The following CSGALNACT1 variants were observed in gnomAD, a reference collection of about 807,000 sequenced individuals.
The protein encoded by CSGALNACT1 is beta4GalNAcT-1.
In CSGALNACT1, 52 loss-of-function variants were observed where a neutral mutation model predicts 51.0. The observed-to-expected ratio is 1.02, with a 90% CI of 0.82 to 1.29. CSGALNACT1 has a LOEUF of 1.29. CSGALNACT1 is among the 50% of genes most tolerant of loss of function. The pLI is 0.00. For synonymous variants in CSGALNACT1, 341 were observed against 254.4 expected, an observed-to-expected ratio of 1.34 and a Z score of -3.24; for missense variants, 935 against 679.2, an observed-to-expected ratio of 1.38 and a Z score of -4.19.
At chr8:19,579,216 GGC>G (rs1171561564) in intron 3 of CSGALNACT1, among the ~76,000 whole-genome samples, 2 of 152,132 alleles carry the variant, frequency 1.3e-5, no homozygotes, top group East Asian at 3.9e-4. Context: ...ACTTTGATCT[GGC>G]CCCAGCTCCA....
chr8:19,511,678 C>T (rs1168238303), intron 3 of CSGALNACT1, among the ~76,000 whole-genome samples: 1 of 152,174 alleles, frequency 6.6e-6, no homozygotes, highest in Non-Finnish European at 1.5e-5. Flanking sequence ...TGCTCCCACA[C>T]TGTACTGGGG....
intron 6 of CSGALNACT1, among the ~76,000 whole-genome samples, chr8:19,423,996 T>C (rs532655037): frequency 9.8e-5 from 15 of 152,290 alleles, no homozygotes; most frequent in African/African-American, 3.4e-4. Flanking sequence ...GGCTTGCCTG[T>C]TCTCCCTGCC....
intron 2 of CSGALNACT1, among the ~76,000 whole-genome samples, chr8:19,599,075 G>A (rs1272055786): frequency 6.6e-6 from 1 of 151,968 alleles, no homozygotes; most frequent in Non-Finnish European, 1.5e-5. Flanking sequence ...GGGGAGGAGT[G>A]AGCAGAAGGG....
intron 6 of CSGALNACT1, among the ~76,000 whole-genome samples, chr8:19,434,990 T>C (rs1437705606): frequency 2.6e-5 from 4 of 151,960 alleles, no homozygotes; most frequent in Non-Finnish European, 5.9e-5. Flanking sequence ...ACACAAACAT[T>C]GCAAGGTGGG....
intron 4 of CSGALNACT1, among the ~76,000 whole-genome samples, chr8:19,463,936 G>T (rs1290571284): frequency 6.6e-6 from 1 of 152,128 alleles, no homozygotes; most frequent in Non-Finnish European, 1.5e-5. Flanking sequence ...AGTAGGCCAG[G>T]AGCTAACCAG....
rs560846155 is a variant in CSGALNACT1, at chr8:19,630,103, G to A, written c.-543-28238C>T. On this transcript the variant is annotated intron_variant, in intron 1 of 9. Coordinates refer to the CSGALNACT1 transcript ENST00000332246. Reference sequence around the variant, plus strand: ...CTACCCATCCAGGCCAACACGGGCCGAATGAAGACTTTCCAGCTTTGACTG... The same window carrying A: ...CTACCCATCCAGGCCAACACGGGCCAAATGAAGACTTTCCAGCTTTGACTG... 5.1e-3 allele frequency among the ~76,000 whole-genome samples: 774 copies of A among 152,092 alleles called. 5 individuals are homozygous for A. The highest frequency in any genetic ancestry group is 6.4e-3 in the Non-Finnish European group (433 of 68,006).
intron 2 of CSGALNACT1, among the ~76,000 whole-genome samples, chr8:19,593,125 A>T (rs1033903566): frequency 6.6e-6 from 1 of 152,242 alleles, no homozygotes; most frequent in African/African-American, 2.4e-5. Context: ...CAGTAACTAA[A>T]TAGGATGCCT....
rs1430250523 is a variant in CSGALNACT1 at position 19,470,943 on chromosome 8, A to C, written c.635-12301T>G. On this transcript the variant is annotated intron_variant, in intron 4 of 9. Transcript: ENST00000454498. ...AAACCCCGTTTCTACTAAAAATACA[A>C]AAATTAGCTGGGCGTGGTGGTGGGT... Among the ~76,000 whole-genome samples the C allele has an allele frequency of 2.0e-5, 3 of 152,178 alleles. No homozygotes were observed. In the East Asian group the frequency reaches 5.8e-4, roughly 29 times the overall value.
chr8:19,430,204 AGTTC>A (rs2059440472), intron 6 of CSGALNACT1, among the ~76,000 whole-genome samples: 1 of 152,230 alleles, frequency 6.6e-6, no homozygotes. Context: ...ATTTTGATAA[AGTTC>A]AACTTATCTG....
At chr8:19,640,501 T>C (rs2056615293) in intron 1 of CSGALNACT1, among the ~76,000 whole-genome samples, 1 of 152,208 alleles carries the variant, frequency 6.6e-6, no homozygotes, top group Admixed American at 6.5e-5. Context: ...AGCCATATTT[T>C]CATTTACTTA....
intron 3 of CSGALNACT1, among the ~76,000 whole-genome samples, chr8:19,564,270 T>A (rs138626919): frequency 5.8e-4 from 89 of 152,298 alleles, no homozygotes; most frequent in African/African-American, 1.8e-3. Context: ...GAATTACCCA[T>A]GCTGGTTTCC....
At chr8:19,653,632 A>G (rs2058018144) in intron 1 of CSGALNACT1, among the ~76,000 whole-genome samples, 1 of 152,024 alleles carries the variant, frequency 6.6e-6, no homozygotes, top group Non-Finnish European at 1.5e-5. Flanking sequence ...CATTTCTACA[A>G]AAAGTTAAAA....
intron 3 of CSGALNACT1, among the ~76,000 whole-genome samples, chr8:19,558,171 A>T (rs560658340): frequency 6.6e-6 from 1 of 152,320 alleles, no homozygotes; most frequent in East Asian, 1.9e-4. Context: ...CCATTTGATG[A>T]ATGTTTATCA....
chr8:19,667,016 A>AAGGAAGG (rs2059383922), intron 1 of CSGALNACT1, among the ~76,000 whole-genome samples: 1 of 43,474 alleles, frequency 2.3e-5, no homozygotes, highest in Non-Finnish European at 4.2e-5. Context: ...AGAAAGAAAG[A>AAGGAAGG]AAGGAAGGAA....
At chr8:19,611,015 G>C (rs1322177150) in intron 1 of CSGALNACT1, among the ~76,000 whole-genome samples, 1 of 152,330 alleles carries the variant, frequency 6.6e-6, no homozygotes, top group African/African-American at 2.4e-5. Flanking sequence ...GAGCAGCGGG[G>C]CACTGAAGCA....
intron 3 of CSGALNACT1, among the ~76,000 whole-genome samples, chr8:19,548,563 T>C (rs370446242): frequency 3.6e-5 from 4 of 110,358 alleles, no homozygotes; most frequent in African/African-American, 1.2e-4. Flanking sequence ...TTCTCAAATA[T>C]TATTTTTAAA....
intron 1 of CSGALNACT1, among the ~76,000 whole-genome samples, chr8:19,633,761 T>TTG (rs1211953749): frequency 6.6e-6 from 1 of 152,212 alleles, no homozygotes; most frequent in Non-Finnish European, 1.5e-5. Context: ...ACCATCTAGC[T>TTG]TGTAGTGATT....
chr8:19,524,023 G>A lies in CSGALNACT1; in HGVS notation c.-296-17893C>T, dbSNP rs1563890695. Among the ~76,000 whole-genome samples the A allele has an allele frequency of 2.0e-5, 3 of 152,330 alleles. No homozygotes were observed. In the East Asian group the frequency reaches 5.8e-4, roughly 29 times the overall value. On this transcript the variant is annotated intron_variant, in intron 3 of 9. Coordinates refer to ENST00000454498, the Ensembl canonical transcript of CSGALNACT1. ...AAAATATGCAGCAGGGCCAGGCACAGTAGCTCACACCTGTAATCCCAGTGC... is the reference window on the plus strand; with the variant it reads ...AAAATATGCAGCAGGGCCAGGCACAATAGCTCACACCTGTAATCCCAGTGC...
chr8:19,526,706 A>T (rs752461408), intron 3 of CSGALNACT1, among the ~76,000 whole-genome samples: 1 of 152,220 alleles, frequency 6.6e-6, no homozygotes, highest in African/African-American at 2.4e-5. Flanking sequence ...AAAATAAACC[A>T]TTTCTAAAAA....
Sources: allele counts gnomAD v4.1 joint callset (sites outside exome capture counted in the v4.1 genomes callset), GRCh38; gene constraint gnomAD v4.1.1; transcripts MANE v1.5; gene names NCBI Gene and HGNC (gene_info 2026-07-23, HGNC 2026-07-21).